HM13: variants seen among roughly 807,000 people sequenced by gnomAD.
HM13 encodes histocompatibility minor 13, also known as signal peptide peptidase.
Under a neutral mutation model 50.0 loss-of-function variants are expected in HM13, and 18 were observed. That is an observed-to-expected ratio of 0.36 (90% CI 0.25 to 0.53). The LOEUF is 0.53. Among genes scored for constraint, HM13 ranks in the 20% least tolerant of loss-of-function variants. The pLI is 0.90. For missense variants in HM13, 393 were observed against 552.4 expected, an observed-to-expected ratio of 0.71 and a Z score of 2.89; for synonymous variants, 197 against 232.6, an observed-to-expected ratio of 0.85 and a Z score of 1.39.
chr20:31,568,363 C>CTG, intron 12 of HM13, 139 bp downstream of exon 12: 1 of 1,240,592 alleles, frequency 8.1e-7, no homozygotes, highest in Non-Finnish European at 1.1e-6. Context: ...TCCACAACCA[C>CTG]CAGGCAGTGG....
chr20:31,551,178 C>G (rs1345925650), intron 7 of HM13, among the ~76,000 whole-genome samples: 1 of 152,128 alleles, frequency 6.6e-6, no homozygotes, highest in African/African-American at 2.4e-5. Flanking sequence ...GATACTCAAC[C>G]TGTATAACTG....
In HM13 at chr20:31,553,470, CTG is replaced by C. The variant is rs551046002; in HGVS notation, c.725-1272_725-1271del. ...AAAGAAGGCATGAGGTAGCAGTTAA[CTG>C]TGTACAAATCATCTAATCTTCACTA... On this transcript the variant is annotated intron_variant, in intron 7 of 12. Transcript: ENST00000398174. 1.3e-3 allele frequency among the ~76,000 whole-genome samples: 194 copies of C among 152,224 alleles called. 1 individual carries two copies. Among genetic ancestry groups the C allele is most frequent in the African/African-American group, 4.5e-3 (186 of 41,534 alleles).
intron 2 of HM13, among the ~76,000 whole-genome samples, chr20:31,530,970 G>T (rs779587284): frequency 2.6e-5 from 4 of 152,136 alleles, no homozygotes; most frequent in Non-Finnish European, 5.9e-5. Context: ...CAAGTGTGCT[G>T]GCCTACCCAG....
intron 2 of HM13, among the ~76,000 whole-genome samples, chr20:31,534,459 C>T (rs1982998462): frequency 6.6e-6 from 1 of 152,056 alleles, no homozygotes. Context: ...GGGGATTTAC[C>T]ATGTGTTTGA....
At chr20:31,548,070 G>T (rs757765253) in intron 4 of HM13, 2 of 1,458,340 alleles carry the variant, frequency 1.4e-6, no homozygotes, top group Non-Finnish European at 1.9e-6. Flanking sequence ...GAATGCATTT[G>T]GGGGGCTAAA....
chr20:31,559,698 G>T lies in HM13; in HGVS notation c.845+51G>T, dbSNP rs141116631. ...CATGGGCTTCTCCAGGGATTCTCCA[G>T]TGGCCTTCAGGAGCCCAGAGAAGGT... On this transcript the variant is annotated intron_variant, in intron 9 of 12. Transcript: ENST00000398174. The T allele has an allele frequency of 2.0e-3, 3,231 of 1,585,314 alleles. 4 individuals are homozygous for T. The highest frequency in any genetic ancestry group is 2.4e-3 in the Non-Finnish European group (2,771 of 1,153,860).
intron 2 of HM13, among the ~76,000 whole-genome samples, chr20:31,536,846 C>G (rs549646737): frequency 3.9e-5 from 6 of 152,352 alleles, no homozygotes; most frequent in African/African-American, 1.2e-4. Context: ...TTCTCTATCT[C>G]CCTGCCCTGG....
chr20:31,564,239 C>T (rs1413758102), intron 10 of HM13, among the ~76,000 whole-genome samples: 1 of 152,048 alleles, frequency 6.6e-6, no homozygotes, highest in East Asian at 1.9e-4. Context: ...CAGCTGTGGG[C>T]CCGCCCTCAC....
intron 10 of HM13, chr20:31,563,932 C>G (rs1470650772): frequency 6.6e-6 from 1 of 152,004 alleles, no homozygotes; most frequent in African/African-American, 2.4e-5. Flanking sequence ...CAAAATTAGC[C>G]GGGCTTGGTG....
Position 31,552,976 on chromosome 20 carries a change from A to T in HM13, c.725-1770A>T, listed in dbSNP as rs960679707. Reference sequence around the variant, plus strand: ...GGTGACAGAGTAAGACTCCGTCTCAAATATATATGTATATATGTATAAAGA... The same window carrying T: ...GGTGACAGAGTAAGACTCCGTCTCATATATATATGTATATATGTATAAAGA... On this transcript the variant is annotated intron_variant, in intron 7 of 12. Transcript: ENST00000398174. Among the ~76,000 whole-genome samples, 3 of 151,968 alleles carry T rather than the reference A, an allele frequency of 2.0e-5. No individual in the cohort carries two copies. In the South Asian group the frequency reaches 6.2e-4, roughly 32 times the overall value.
intron 6 of HM13, 131 bp downstream of exon 6, chr20:31,549,463 G>A: frequency 8.8e-7 from 1 of 1,136,546 alleles, no homozygotes; most frequent in Admixed American, 1.9e-5. Context: ...GGACCGCAGA[G>A]CAAGTCCTCT....
At chr20:31,557,328 C>T (rs1368309682) in intron 8 of HM13, among the ~76,000 whole-genome samples, 1 of 152,240 alleles carries the variant, frequency 6.6e-6, no homozygotes, top group East Asian at 1.9e-4. Flanking sequence ...CCCCTGTGTC[C>T]TTGTCATAAG....
intron 1 of HM13, among the ~76,000 whole-genome samples, chr20:31,521,715 C>T (rs138297777): frequency 0.075 from 9,761 of 129,522 alleles, 422 homozygotes; most frequent in Middle Eastern, 0.1. Flanking sequence ...GGCAACAGAG[C>T]GAGACTCCAT....
chr20:31,539,427 A>G (rs1983307465), intron 3 of HM13: 1 of 985,498 alleles, frequency 1.0e-6, no homozygotes. Flanking sequence ...GAAGACGTAC[A>G]AAGGAGGGAG....
intron 3 of HM13, chr20:31,538,600 G>A (rs1983257246): frequency 6.3e-6 from 8 of 1,260,472 alleles, no homozygotes; most frequent in Non-Finnish European, 8.0e-6. Context: ...GCCTAGCTGT[G>A]TGCTAAGTGC....
At chr20:31,549,395 C>T in intron 6 of HM13, 63 bp downstream of exon 6, 1 of 1,603,742 alleles carries the variant, frequency 6.2e-7, no homozygotes, top group Non-Finnish European at 8.5e-7. Flanking sequence ...ATCACCCTGC[C>T]TCTCTGGCCC....
Position 31,539,467 on chromosome 20 carries a change from T to C in HM13, c.365+1206T>C, listed in dbSNP as rs1425943112. ...CAGGTGCTAGAAAGTTTGTGCACAT[T>C]GAGGGCATGGGCAGAATCTGCTCCC... On this transcript the variant is annotated intron_variant, in intron 3 of 12. Transcript: ENST00000398174. 4 of 985,294 alleles carry C rather than the reference T, an allele frequency of 4.1e-6. No homozygotes were observed. In the African/African-American group the frequency reaches 7.0e-5, roughly 17 times the overall value. The allele number at this position is 985,294 out of a possible 1,614,324, so 61.0% of individuals were successfully genotyped here.
At chr20:31,532,261 C>T (rs1341419154) in intron 2 of HM13, among the ~76,000 whole-genome samples, 1 of 152,142 alleles carries the variant, frequency 6.6e-6, no homozygotes, top group Non-Finnish European at 1.5e-5. Context: ...CCCGTCTCTA[C>T]TGAAAATACA....
chr20:31,547,069 A>C (rs1013912711), intron 4 of HM13, among the ~76,000 whole-genome samples: 7 of 152,162 alleles, frequency 4.6e-5, no homozygotes, highest in Non-Finnish European at 1.0e-4. Context: ...AGCCAGAAGG[A>C]AGGAGAGGCA....
Sources: gnomAD v4.1 joint callset for allele counts (sites outside exome capture counted in the v4.1 genomes callset) on GRCh38, gnomAD v4.1.1 for gene constraint, MANE v1.5 for transcripts, NCBI Gene and HGNC (gene_info 2026-07-23, HGNC 2026-07-21) for gene names.